MACROD2: variants seen among roughly 807,000 people sequenced by gnomAD.
MACROD2 encodes mono-ADP ribosylhydrolase 2.
In MACROD2, 36 loss-of-function variants were observed where a neutral mutation model predicts 70.4. The ratio of observed to expected loss-of-function variants is 0.51; its 90% CI spans 0.39 to 0.68. The LOEUF (loss-of-function observed/expected upper bound fraction) is 0.68, where lower values mean the gene tolerates loss of function less well. MACROD2 is among the 30% of genes least tolerant of loss of function. MACROD2 has a pLI of 0.00. For missense variants in MACROD2, 496 were observed against 538.4 expected, an observed-to-expected ratio of 0.92 and a Z score of 0.78; for synonymous variants, 172 against 178.8, an observed-to-expected ratio of 0.96 and a Z score of 0.30.
rs1375805447 is a variant in MACROD2 at position 15,387,713 on chromosome 20, A to C, written c.541-43692A>C. 5.4e-5 allele frequency among the ~76,000 whole-genome samples: 8 copies of C among 149,252 alleles called. No homozygotes were observed. In the Admixed American group the frequency reaches 5.4e-4, roughly 10 times the overall value. On this transcript the variant is annotated intron_variant, in intron 6 of 17. Coordinates refer to ENST00000684519, the MANE Select transcript of MACROD2 (RefSeq NM_001351661.2). ...CTGACAAGTTTTCAGTACTAAAATC[A>C]TGTGTTAAGTACTAAAACTCAGGGA...
At chr20:15,911,122 A>G (rs1479077016) in intron 10 of MACROD2, among the ~76,000 whole-genome samples, 1 of 152,118 alleles carries the variant, frequency 6.6e-6, no homozygotes. Context: ...CTGCCCTTGA[A>G]CCAATCACTG....
At chr20:14,862,668 A>AATATATATAAAT (rs2073381210) in intron 5 of MACROD2, among the ~76,000 whole-genome samples, 2 of 29,114 alleles carry the variant, frequency 6.9e-5, no homozygotes, top group African/African-American at 3.2e-4. Context: ...TATATATATA[A>AATATATATAAAT]ATATATATAA....
intron 5 of MACROD2, among the ~76,000 whole-genome samples, chr20:14,976,110 C>T (rs1293130599): frequency 1.3e-5 from 2 of 152,166 alleles, no homozygotes; most frequent in Non-Finnish European, 2.9e-5. Context: ...TTCTCTGATC[C>T]TTTCAAAGGA....
At chr20:14,661,345 T>A (rs969114905) in intron 4 of MACROD2, among the ~76,000 whole-genome samples, 9 of 152,196 alleles carry the variant, frequency 5.9e-5, no homozygotes, top group Admixed American at 2.6e-4. Flanking sequence ...CACTTATATG[T>A]CTCCTTTTCA....
intron 8 of MACROD2, among the ~76,000 whole-genome samples, chr20:15,558,754 A>T (rs1219981389): frequency 6.6e-6 from 1 of 152,232 alleles, no homozygotes; most frequent in African/African-American, 2.4e-5. Flanking sequence ...CAGCCCACTG[A>T]ATTCTAACTC....
At chr20:14,861,966 T>G (rs2073323109) in intron 5 of MACROD2, among the ~76,000 whole-genome samples, 1 of 78,800 alleles carries the variant, frequency 1.3e-5, no homozygotes, top group Non-Finnish European at 2.4e-5. Flanking sequence ...CATTGGAGGT[T>G]TTATATATAA....
At chr20:14,783,906 G>C (rs2072332031) in intron 5 of MACROD2, among the ~76,000 whole-genome samples, 1 of 152,076 alleles carries the variant, frequency 6.6e-6, no homozygotes, top group Admixed American at 6.5e-5. Flanking sequence ...CTTAAGAACT[G>C]TTCCTCTTAG....
At chr20:14,605,168 A>G (rs1385449801) in intron 4 of MACROD2, among the ~76,000 whole-genome samples, 1 of 152,202 alleles carries the variant, frequency 6.6e-6, no homozygotes, top group Non-Finnish European at 1.5e-5. Flanking sequence ...GTTGTAACAA[A>G]GTACCACAAA....
intron 5 of MACROD2, among the ~76,000 whole-genome samples, chr20:14,687,562 C>T (rs1227331657): frequency 6.6e-6 from 1 of 152,150 alleles, no homozygotes. Flanking sequence ...CTTTCATGGG[C>T]ATCCTGGGGC....
Position 14,867,711 on chromosome 20 carries a change from G to T in MACROD2, c.418+182752G>T, listed in dbSNP as rs142101764. Among the ~76,000 whole-genome samples the T allele has an allele frequency of 5.3e-5, 8 of 152,154 alleles. No individual in the cohort carries two copies. In the East Asian group the frequency reaches 1.5e-3, roughly 29 times the overall value. ...GTCTCCAAGTCCCCTTGGATTCTGA[G>T]GCCACCATTGTCCTTTCTAGACAAA... On this transcript the variant is annotated intron_variant, in intron 5 of 17. Transcript: ENST00000684519.
chr20:14,916,959 G>A (rs1228389946), intron 5 of MACROD2, among the ~76,000 whole-genome samples: 2 of 151,828 alleles, frequency 1.3e-5, no homozygotes, highest in Non-Finnish European at 2.9e-5. Context: ...GGAAAAATAG[G>A]CACCTTGATT....
chr20:14,986,131 T>A (rs577107699), intron 5 of MACROD2, among the ~76,000 whole-genome samples: 1 of 152,316 alleles, frequency 6.6e-6, no homozygotes, highest in East Asian at 1.9e-4. Flanking sequence ...CCTGGGCCAT[T>A]GAAGACATGG....
chr20:15,332,164 T>C (rs1038377622), intron 6 of MACROD2, among the ~76,000 whole-genome samples: 2 of 151,484 alleles, frequency 1.3e-5, no homozygotes, highest in African/African-American at 4.9e-5. Context: ...CATATCATTT[T>C]TGTCCAGGTT....
intron 3 of MACROD2, among the ~76,000 whole-genome samples, chr20:14,451,804 G>A (rs1467871159): frequency 2.0e-5 from 3 of 152,182 alleles, no homozygotes; most frequent in African/African-American, 7.2e-5. Context: ...TGTCTGCTAA[G>A]TGACCTTTTA....
chr20:15,036,712 C>G (rs2075315947), intron 5 of MACROD2, among the ~76,000 whole-genome samples: 1 of 152,074 alleles, frequency 6.6e-6, no homozygotes, highest in African/African-American at 2.4e-5. Context: ...CATCATCTTT[C>G]TATACCCAAA....
chr20:15,169,283 AG>A (rs1403386122), intron 5 of MACROD2, among the ~76,000 whole-genome samples: 6 of 152,216 alleles, frequency 3.9e-5, no homozygotes, highest in Admixed American at 2.0e-4. Flanking sequence ...TTAAGAATAA[AG>A]TTCTTCAGCA....
intron 3 of MACROD2, among the ~76,000 whole-genome samples, chr20:14,256,712 C>G (rs950035310): frequency 3.3e-5 from 5 of 152,026 alleles, no homozygotes; most frequent in African/African-American, 1.2e-4. Context: ...ATTTGTTAGG[C>G]CATAAACTTT....
chr20:15,130,579 G>A (rs931587931), intron 5 of MACROD2, among the ~76,000 whole-genome samples: 1 of 152,018 alleles, frequency 6.6e-6, no homozygotes, highest in South Asian at 2.1e-4. Flanking sequence ...CCACCTTGAT[G>A]TCTCCATGAT....
intron 3 of MACROD2, among the ~76,000 whole-genome samples, chr20:14,236,496 A>G (rs1428552009): frequency 6.6e-6 from 1 of 152,142 alleles, no homozygotes; most frequent in Non-Finnish European, 1.5e-5. Context: ...AAAAAAAACT[A>G]CATCTGCCAC....
Sources: gnomAD v4.1 joint callset for allele counts (sites outside exome capture counted in the v4.1 genomes callset) on GRCh38, gnomAD v4.1.1 for gene constraint, MANE v1.5 for transcripts, NCBI Gene and HGNC (gene_info 2026-07-23, HGNC 2026-07-21) for gene names.